CNTNAP3B: variants seen among roughly 807,000 people sequenced by gnomAD.
The protein encoded by CNTNAP3B is contactin-associated protein-like 3B.
Under a neutral mutation model 108.9 loss-of-function variants are expected in CNTNAP3B, and 25 were observed. The ratio of observed to expected loss-of-function variants is 0.23; its 90% CI spans 0.17 to 0.32. CNTNAP3B has a LOEUF of 0.32. Among genes scored for constraint, CNTNAP3B ranks in the 10% least tolerant of loss-of-function variants. CNTNAP3B has a pLI of 1.00. For missense variants in CNTNAP3B, 252 were observed against 1,210.4 expected, an observed-to-expected ratio of 0.21 and a Z score of 11.75; for synonymous variants, 103 against 473.4, an observed-to-expected ratio of 0.22 and a Z score of 10.16.
chr9:41,915,716 T>A (rs1419883242), intron 18 of CNTNAP3B, among the ~76,000 whole-genome samples: 84 of 146,308 alleles, frequency 5.7e-4, no homozygotes, highest in African/African-American at 2.1e-3. Flanking sequence ...AAATGTTTTT[T>A]TTTTTCAGCA....
In CNTNAP3B at chr9:42,115,086, G is replaced by A. The variant is rs576635871; in HGVS notation, c.86-10347C>T. Reference sequence around the variant, plus strand: ...AAAAAGAAATACTTACAATGAAAAGGAACATTAAAAGGAGGCAATATAAAG... The same window carrying A: ...AAAAAGAAATACTTACAATGAAAAGAAACATTAAAAGGAGGCAATATAAAG... On this transcript the variant is annotated intron_variant, in intron 1 of 23. Transcript: ENST00000377561. 2.4e-4 allele frequency among the ~76,000 whole-genome samples: 33 copies of A among 137,016 alleles called. 4 individuals carry two copies. The highest frequency in any genetic ancestry group is 5.0e-4 in the Non-Finnish European group (32 of 64,232). 89.9% of individuals were successfully genotyped at this position (137,016 alleles called of 152,430 possible).
chr9:41,925,951 T>G (rs1238411405), intron 15 of CNTNAP3B, among the ~76,000 whole-genome samples: 32 of 152,400 alleles, frequency 2.1e-4, no homozygotes, highest in African/African-American at 7.7e-4. Context: ...CTGCAGGCTA[T>G]TTACTAGGGT....
At chr9:42,054,764 C>T (rs1827027584) in intron 3 of CNTNAP3B, among the ~76,000 whole-genome samples, 1 of 151,546 alleles carries the variant, frequency 6.6e-6, no homozygotes, top group Non-Finnish European at 1.5e-5. Flanking sequence ...GTTACATCCA[C>T]TAATAAATGT....
rs1466382485 is a variant in CNTNAP3B at position 42,046,051 on chromosome 9, C to T, written c.390+30818G>A. ...AATTCTCTGCTTCTTTCATTTCCCA[C>T]AGAGCTGTTGTCCCCGTCTTCCTCC... On this transcript the variant is annotated intron_variant, in intron 3 of 23. Coordinates refer to ENST00000377561, the MANE Select transcript of CNTNAP3B (RefSeq NM_001201380.3). Among the ~76,000 whole-genome samples the T allele has an allele frequency of 1.8e-3, 222 of 123,134 alleles. 19 individuals are homozygous for T. The highest frequency in any genetic ancestry group is 3.8e-3 in the Admixed American group (47 of 12,224). The allele number at this position is 123,134 out of a possible 152,430, so 80.8% of individuals were successfully genotyped here.
At chr9:41,926,080 G>C (rs1349893265) in intron 15 of CNTNAP3B, among the ~76,000 whole-genome samples, 3 of 152,176 alleles carry the variant, frequency 2.0e-5, no homozygotes, top group Non-Finnish European at 4.4e-5. Context: ...GTATTCTACA[G>C]TTATCTATTA....
At chr9:41,999,614 A>T (rs866081316) in intron 4 of CNTNAP3B, among the ~76,000 whole-genome samples, 3 of 108,964 alleles carry the variant, frequency 2.8e-5, no homozygotes, top group African/African-American at 1.2e-4. Flanking sequence ...GAGAGCCCTG[A>T]CTGACAAAGG....
intron 13 of CNTNAP3B, among the ~76,000 whole-genome samples, chr9:41,948,342 T>G (rs1824587475): frequency 1.3e-5 from 2 of 152,190 alleles, no homozygotes; most frequent in African/African-American, 2.4e-5. Flanking sequence ...TCCATCTGCC[T>G]CAGCCTCCCA....
rs1210960026 is a variant in CNTNAP3B at position 42,098,433 on chromosome 9, AT to A, written c.196+6195del. 3.5e-5 allele frequency among the ~76,000 whole-genome samples: 3 copies of A among 85,286 alleles called. 1 individual carries two copies. The highest frequency in any genetic ancestry group is 1.4e-4 in the African/African-American group (3 of 22,186). The allele number at this position is 85,286 out of a possible 152,430, so 56.0% of individuals were successfully genotyped here. A position where few individuals can be genotyped will look rare whatever the true frequency, so the allele number is the denominator to read the frequency against. On this transcript the variant is annotated intron_variant, in intron 2 of 23. Transcript: ENST00000377561. ...CTAAAAATACAAAAAAAAAAAAAAA[AT>A]TAGCCGGGCATGGTGGTGGGTGCCT...
intron 1 of CNTNAP3B, among the ~76,000 whole-genome samples, chr9:42,111,575 A>G (rs1367606103): frequency 7.2e-6 from 1 of 138,550 alleles, no homozygotes; most frequent in Non-Finnish European, 1.5e-5. Flanking sequence ...CAGACTGCTG[A>G]TGAAAGAATC....
In CNTNAP3B at chr9:41,958,524, G is replaced by A. The variant is rs1824948342; in HGVS notation, c.1876+2249C>T. ...CTGCAGTACTATAAGTAACATGTGT[G>A]GGAAGGGGAAAGGTTCTGTAGTCCT... is the stretch of plus-strand genomic sequence containing the variant. On this transcript the variant is annotated intron_variant, in intron 12 of 23. Transcript: ENST00000377561. 2.6e-5 allele frequency among the ~76,000 whole-genome samples: 4 copies of A among 151,992 alleles called. No homozygotes were observed. In the South Asian group the frequency reaches 6.2e-4, roughly 24 times the overall value.
chr9:41,929,376 G>T lies in CNTNAP3B; in HGVS notation c.2306C>A (p.Thr769Lys), dbSNP rs770441604. 3.2e-6 allele frequency: 5 copies of T among 1,545,078 alleles called. No homozygotes were observed. The East Asian group carries it at 9.2e-5, about 28-fold the overall frequency. The change falls in exon 15 of 24, where the codon ACA (threonine) becomes AAA (lysine). Residue 769 changes from threonine to lysine, a missense_variant. Thr to Lys is a moderately conservative substitution (Grantham distance 78, BLOSUM62 -1). Coordinates refer to ENST00000377561, the MANE Select transcript of CNTNAP3B (RefSeq NM_001201380.3). ...ATCTGCTTCGGAATGTGGTTGGCCT[G>T]TGTCTGTCATCACAATCTGAGTGAC... ...LPVTQIVMTD[T>K]GQPHSEADYT...
At chr9:41,997,315 G>T (rs1278431345) in intron 6 of CNTNAP3B, among the ~76,000 whole-genome samples, 2 of 152,168 alleles carry the variant, frequency 1.3e-5, no homozygotes, top group African/African-American at 2.4e-5. Flanking sequence ...AACAATGCTT[G>T]CTACCTTGGT....
chr9:41,979,071 C>T (rs1825573837), intron 9 of CNTNAP3B, among the ~76,000 whole-genome samples: 1 of 137,504 alleles, frequency 7.3e-6, no homozygotes, highest in Non-Finnish European at 1.6e-5. Flanking sequence ...ACAGCCCTGG[C>T]CTTGCAGGTG....
At chr9:42,070,623 T>A (rs1827353338) in intron 3 of CNTNAP3B, among the ~76,000 whole-genome samples, 2 of 151,588 alleles carry the variant, frequency 1.3e-5, no homozygotes, top group South Asian at 4.2e-4. Context: ...ACTGAGAATG[T>A]TTCTGTCTCT....
chr9:42,070,358 G>A (rs1030899679), intron 3 of CNTNAP3B, among the ~76,000 whole-genome samples: 2 of 149,704 alleles, frequency 1.3e-5, no homozygotes, highest in African/African-American at 5.0e-5. Context: ...CAGTGGCCAT[G>A]ACAGCCAGAG....
intron 3 of CNTNAP3B, among the ~76,000 whole-genome samples, chr9:42,018,789 G>A (rs1317467514): frequency 6.6e-6 from 1 of 151,812 alleles, no homozygotes; most frequent in Non-Finnish European, 1.5e-5. Flanking sequence ...AACATATACT[G>A]GTTCTGTGAC....
At chr9:42,115,212 G>T (rs1828287377) in intron 1 of CNTNAP3B, among the ~76,000 whole-genome samples, 2 of 138,426 alleles carry the variant, frequency 1.4e-5, no homozygotes, top group Admixed American at 7.2e-5. Context: ...AGAAGAAGCT[G>T]CACTCTTTTG....
chr9:41,979,943 CCTT>C (rs1825594752), intron 9 of CNTNAP3B: 1 of 93,072 alleles, frequency 1.1e-5, no homozygotes, highest in Admixed American at 1.3e-4. Flanking sequence ...TTTGAGGAAA[CCTT>C]TTTTTTTTTT....
intron 2 of CNTNAP3B, among the ~76,000 whole-genome samples, chr9:42,077,593 G>A (rs1339238579): frequency 7.6e-6 from 1 of 132,026 alleles, no homozygotes; most frequent in Non-Finnish European, 1.6e-5. Flanking sequence ...AAAGTACAGA[G>A]GAGAGTGATG....
Sources: gnomAD v4.1 joint callset for allele counts (sites outside exome capture counted in the v4.1 genomes callset) on GRCh38, gnomAD v4.1.1 for gene constraint, MANE v1.5 for transcripts, NCBI Gene and HGNC (gene_info 2026-07-23, HGNC 2026-07-21) for gene names.